Variants in MLLT1 observed in about 807,000 individuals in gnomAD.
The protein encoded by MLLT1 is MLLT1 super elongation complex subunit, also known as protein ENL.
Under a neutral mutation model 55.1 loss-of-function variants are expected in MLLT1, and 11 were observed. That is an observed-to-expected ratio of 0.20 (90% CI 0.13 to 0.33). The LOEUF is 0.33. Ranked by LOEUF, MLLT1 falls within the 10% of genes least tolerant of loss-of-function variation. The pLI is 1.00. For missense variants in MLLT1, 536 were observed against 760.6 expected (o/e 0.70, Z 3.47); for synonymous variants, 323 against 320.1 (o/e 1.01, Z -0.10).
chr19:6,278,757 A>G (rs1051569364), intron 1 of MLLT1, among the ~76,000 whole-genome samples: 1 of 152,140 alleles, frequency 6.6e-6, no homozygotes. Flanking sequence ...GGTCTGGGGA[A>G]TCCAGGTCAG....
In MLLT1 at chr19:6,262,216, C is replaced by G. The variant is rs1352926907; in HGVS notation, c.276+12G>C. On this transcript the variant is annotated intron_variant, in intron 3 of 11. Transcript: ENST00000252674. The surrounding 1 kb of genome is among the most constrained non-coding windows in gnomAD (Gnocchi z 4.4). ...AGAGAGGCATCCTGCTTGCTCCCCT[C>G]AGGGATCCTACCTTGTTTTTGAAGT... 1 of 1,612,300 alleles carries G rather than the reference C, an allele frequency of 6.2e-7. No individual in the cohort carries two copies. Among genetic ancestry groups the G allele is most frequent in the East Asian group, 2.2e-5 (1 of 44,898 alleles).
Position 6,260,938 on chromosome 19 carries a change from G to A in MLLT1, c.276+1290C>T, listed in dbSNP as rs561066532. ...GTCACCCCAGAGGCGAGTTTAAACT[G>A]CCCATACAGATGGTGGTCCCACAGC... On this transcript the variant is annotated intron_variant, in intron 3 of 11. Coordinates refer to ENST00000252674, the MANE Select transcript of MLLT1 (RefSeq NM_005934.4). Among the ~76,000 whole-genome samples the A allele has an allele frequency of 8.5e-5, 13 of 152,338 alleles. No individual in the cohort carries two copies. In the South Asian group the frequency reaches 2.5e-3, roughly 29 times the overall value.
Position 6,275,867 on chromosome 19 carries a change from G to A in MLLT1, c.12+3906C>T, listed in dbSNP as rs1037448342. Among the ~76,000 whole-genome samples, 5 of 152,236 alleles carry A rather than the reference G, an allele frequency of 3.3e-5. No homozygotes were observed. In the South Asian group the frequency reaches 6.2e-4, roughly 19 times the overall value. On this transcript the variant is annotated intron_variant, in intron 1 of 11. Coordinates refer to ENST00000252674, the MANE Select transcript of MLLT1 (RefSeq NM_005934.4). The stretch of plus-strand genomic sequence containing the variant: ...TGACTCTCTGACCACATTGTCAGGG[G>A]AGGCCTGGGACAGAGTATTTACGAA...
At chr19:6,238,109 G>A (rs980812753) in intron 3 of MLLT1, among the ~76,000 whole-genome samples, 20 of 152,158 alleles carry the variant, frequency 1.3e-4, no homozygotes, top group African/African-American at 4.8e-4. Flanking sequence ...CTTAAAGAGG[G>A]AAAGACAGAG....
intron 8 of MLLT1, among the ~76,000 whole-genome samples, chr19:6,215,486 A>G (rs981555004): frequency 6.6e-6 from 1 of 151,716 alleles, no homozygotes; most frequent in African/African-American, 2.4e-5. Flanking sequence ...GCAGTGAGCC[A>G]CTGCTCCTGC....
chr19:6,213,975 G>A lies in MLLT1; in HGVS notation c.1371C>T (p.Pro457=). 6.8e-7 allele frequency: 1 copy of A among 1,463,420 alleles called. No individual in the cohort carries two copies. Among genetic ancestry groups the A allele is most frequent in the South Asian group, 1.5e-5 (1 of 66,526 alleles). The allele number at this position is 1,463,420 out of a possible 1,614,324, so 90.7% of individuals were successfully genotyped here. ...SADSSLPSRE[P]PPPQKPPPPN... is the part of the protein sequence containing the mutation. ...GCGGGGGTGGCTTCTGGGGGGGTGGGGGCTCACGGCTGGGCAGGGAGGAGT... is the reference window on the plus strand; with the variant it reads ...GCGGGGGTGGCTTCTGGGGGGGTGGAGGCTCACGGCTGGGCAGGGAGGAGT... Residue 457 remains proline, a synonymous_variant, in exon 9 of 12, where the codon CCC becomes CCT. Transcript: ENST00000252674.
rs559673356 is a variant in MLLT1 at position 6,231,891 on chromosome 19, C to T, written c.277-1178G>A. 2.0e-5 allele frequency among the ~76,000 whole-genome samples: 3 copies of T among 152,200 alleles called. No individual in the cohort carries two copies. The highest frequency in any genetic ancestry group is 6.5e-5 in the Admixed American group (1 of 15,292). On this transcript the variant is annotated intron_variant, in intron 3 of 11. Coordinates refer to ENST00000252674, the MANE Select transcript of MLLT1 (RefSeq NM_005934.4). The surrounding 1 kb of genome is among the most constrained non-coding windows in gnomAD (Gnocchi z 5.1). ...AGGTCCCAGGGGAGTGTGGGAAAACCGCACTATGACAAGCACGAATGTCAC... is the reference window on the plus strand; with the variant it reads ...AGGTCCCAGGGGAGTGTGGGAAAACTGCACTATGACAAGCACGAATGTCAC...
intron 2 of MLLT1, among the ~76,000 whole-genome samples, chr19:6,265,072 A>AAAAAC (rs2091338569): frequency 5.5e-5 from 8 of 145,408 alleles, no homozygotes; most frequent in African/African-American, 1.5e-4. Context: ...AAACAAAAAA[A>AAAAAC]AACATGATGT....
chr19:6,271,814 C>A (rs1023171527), intron 1 of MLLT1, among the ~76,000 whole-genome samples: 3 of 152,274 alleles, frequency 2.0e-5, no homozygotes, highest in Non-Finnish European at 1.5e-5. Flanking sequence ...CCACACCCTC[C>A]CCTGACAGAG....
At chr19:6,263,222 G>GCA (rs1053408505) in intron 2 of MLLT1, 2 of 152,304 alleles carry the variant, frequency 1.3e-5, no homozygotes, top group African/African-American at 2.4e-5. Flanking sequence ...ATGAGGCCAG[G>GCA]CACCTGAATA....
chr19:6,268,165 GC>G (rs2091364400), intron 2 of MLLT1, among the ~76,000 whole-genome samples: 1 of 152,220 alleles, frequency 6.6e-6, no homozygotes, highest in Non-Finnish European at 1.5e-5. Flanking sequence ...AGCCCAGGCA[GC>G]CAGAGGACTC....
chr19:6,211,988 C>T lies in MLLT1; in HGVS notation c.*1054G>A, dbSNP rs566743895. 1.9e-6 allele frequency: 2 copies of T among 1,065,518 alleles called. No individual in the cohort carries two copies. Among genetic ancestry groups the T allele is most frequent in the African/African-American group, 3.3e-5 (2 of 61,004 alleles). The allele number at this position is 1,065,518 out of a possible 1,614,324, so 66.0% of individuals were successfully genotyped here. A position where few individuals can be genotyped will look rare whatever the true frequency, so the allele number is the denominator to read the frequency against. ...GGGCCTGCTGATGGCCGAGCCCACG[C>T]TCGAGGGGCTGACCAGAGTTCAATG... On this transcript the variant is annotated 3_prime_UTR_variant, in exon 12 of 12. Coordinates refer to ENST00000252674, the MANE Select transcript of MLLT1 (RefSeq NM_005934.4). The surrounding 1 kb of genome is among the most constrained non-coding windows in gnomAD (Gnocchi z 4.6).
At position 6,230,790 on chromosome 19, in the gene MLLT1, T is replaced by A; in HGVS notation, c.277-77A>T. On this transcript the variant is annotated intron_variant, in intron 3 of 11. Transcript: ENST00000252674. This position sits in a 1 kb window ranked among gnomAD's most constrained non-coding sequence, Gnocchi z 9.0. The stretch of plus-strand genomic sequence containing the variant: ...GGACACAGCTCCCCATTGGCCCTGG[T>A]CCTCCCCTCTCCCTCACTGGGCCTC... The A allele has an allele frequency of 6.5e-7, 1 of 1,548,960 alleles. No individual in the cohort carries two copies. The highest frequency in any genetic ancestry group is 1.8e-5 in the Admixed American group (1 of 56,268).
chr19:6,241,028 G>C (rs2144898419), intron 3 of MLLT1, among the ~76,000 whole-genome samples: 1 of 152,336 alleles, frequency 6.6e-6, no homozygotes, highest in Non-Finnish European at 1.5e-5. Flanking sequence ...TAAAATGGCA[G>C]TTTGAAATCT....
In MLLT1 at chr19:6,218,117, C is replaced by T. The variant is rs1214453250; in HGVS notation, c.1111-76G>A. On this transcript the variant is annotated intron_variant, in intron 6 of 11. Coordinates refer to ENST00000252674, the MANE Select transcript of MLLT1 (RefSeq NM_005934.4). ...CCTTTCAGCAGAGACAAAGGGGGCCCCCTGGCAGCAGCTACGCTGAGTGGG... is the reference window on the plus strand; with the variant it reads ...CCTTTCAGCAGAGACAAAGGGGGCCTCCTGGCAGCAGCTACGCTGAGTGGG... The T allele has an allele frequency of 4.3e-5, 65 of 1,520,242 alleles. No individual in the cohort carries two copies. In the South Asian group the frequency reaches 7.4e-4, roughly 17 times the overall value. The allele number at this position is 1,520,242 out of a possible 1,614,324, so 94.2% of individuals were successfully genotyped here. A position where few individuals can be genotyped will look rare whatever the true frequency, so the allele number is the denominator to read the frequency against.
chr19:6,222,317 G>A lies in MLLT1; in HGVS notation c.914C>T (p.Ser305Leu), dbSNP rs141047642. The change falls in exon 6 of 12, where the codon TCG (serine) becomes TTG (leucine). Residue 305 changes from serine (S) to leucine (L), a missense_variant. Ser to Leu is a moderately radical substitution (Grantham distance 145, BLOSUM62 -2). Transcript: ENST00000252674. The surrounding 1 kb of genome is among the most constrained non-coding windows in gnomAD (Gnocchi z 4.1). ...GCCTGGAGCACTCCGGGACCCCTTCGAGCTGCTCTTCTTCTGCTTCTTGGC... is the reference window on the plus strand; with the variant it reads ...GCCTGGAGCACTCCGGGACCCCTTCAAGCTGCTCTTCTTCTGCTTCTTGGC... ...PSAKKQKKSSSKGSRSAPGTS... is the reference protein window; with the variant it reads ...PSAKKQKKSSLKGSRSAPGTS... 48 of 1,581,200 alleles carry A rather than the reference G, an allele frequency of 3.0e-5. No individual in the cohort carries two copies. The highest frequency in any genetic ancestry group is 4.6e-5 in the East Asian group (2 of 43,948).
intron 2 of MLLT1, among the ~76,000 whole-genome samples, chr19:6,267,226 C>G (rs1045464248): frequency 3.9e-5 from 6 of 151,986 alleles, no homozygotes; most frequent in African/African-American, 1.5e-4. Context: ...CTCAGCTTCC[C>G]GAGTAGCTGG....
At chr19:6,258,778 C>T (rs1027254969) in intron 3 of MLLT1, among the ~76,000 whole-genome samples, 11 of 152,172 alleles carry the variant, frequency 7.2e-5, no homozygotes, top group Admixed American at 3.3e-4. Context: ...CCACACTCGC[C>T]GGCGAAGCCA....
chr19:6,256,336 G>A lies in MLLT1; in HGVS notation c.276+5892C>T, dbSNP rs371709989. 2.2e-4 allele frequency among the ~76,000 whole-genome samples: 34 copies of A among 152,216 alleles called. No homozygotes were observed. The East Asian group carries it at 3.3e-3, about 15-fold the overall frequency. On this transcript the variant is annotated intron_variant, in intron 3 of 11. Transcript: ENST00000252674. The surrounding 1 kb of genome is among the most constrained non-coding windows in gnomAD (Gnocchi z 4.1). ...TAGCTGGATGTGGTGGTGCAGGCCCGTGGTTCCAGCTACCTGGGAGGCTGA... is the reference window on the plus strand; with the variant it reads ...TAGCTGGATGTGGTGGTGCAGGCCCATGGTTCCAGCTACCTGGGAGGCTGA...
Sources: allele counts gnomAD v4.1 joint callset (sites outside exome capture counted in the v4.1 genomes callset), GRCh38; gene constraint gnomAD v4.1.1; non-coding constraint Gnocchi (gnomAD v3.1); transcripts MANE v1.5; gene names NCBI Gene and HGNC (gene_info 2026-07-23, HGNC 2026-07-21).